Variants in PUM3 observed in about 807,000 individuals in gnomAD.
PUM3 encodes pumilio homolog 3.
PUM3 carries 91 observed loss-of-function variants against 84.0 expected under a neutral mutation model. The ratio of observed to expected loss-of-function variants is 1.08; its 90% CI spans 0.91 to 1.29. The LOEUF is 1.29. Among genes scored for constraint, PUM3 ranks in the 50% most tolerant of loss-of-function variants. The probability of loss-of-function intolerance (pLI) is 0.00; values close to 1 mark genes in which losing one functional copy is unlikely to be tolerated. For synonymous variants in PUM3, 321 were observed against 266.7 expected, an observed-to-expected ratio of 1.20 and a Z score of -1.98; for missense variants, 1,067 against 767.5, an observed-to-expected ratio of 1.39 and a Z score of -4.61.
rs1815921569 is a variant in PUM3, at chr9:2,829,777, G to A, written c.849C>T (p.Tyr283=). ...EELYGNTFQL[Y]KSADHRTLDK... is the part of the protein sequence containing the mutation. ...AAAAGACTTCTGGAGATGTCACCTT[G>A]TAAAGCTGAAATGTGTTCCCATAGA... Residue 283 remains tyrosine (Y), a synonymous_variant, in exon 8 of 18, where the codon TAC becomes TAT. Transcript: ENST00000397885. 2 of 1,607,488 alleles carry A rather than the reference G, an allele frequency of 1.2e-6. No individual in the cohort carries two copies. Among genetic ancestry groups the A allele is most frequent in the East Asian group, 2.2e-5 (1 of 44,740 alleles).
chr9:2,834,782 A>C (rs1459741243), intron 3 of PUM3, among the ~76,000 whole-genome samples: 1 of 152,214 alleles, frequency 6.6e-6, no homozygotes, highest in African/African-American at 2.4e-5. Flanking sequence ...ACAATGAACA[A>C]CCAAAATTTC....
intron 14 of PUM3, among the ~76,000 whole-genome samples, 165 bp downstream of exon 14, chr9:2,812,055 C>T (rs1821386299): frequency 6.6e-6 from 1 of 152,036 alleles, no homozygotes; most frequent in African/African-American, 2.4e-5. Flanking sequence ...ATTTCCTTGT[C>T]AAGATAAAAA....
chr9:2,825,707 A>G (rs550724802), intron 10 of PUM3, among the ~76,000 whole-genome samples: 120 of 151,978 alleles, frequency 7.9e-4, no homozygotes, highest in Non-Finnish European at 1.4e-3. Flanking sequence ...GTCTCGAACT[A>G]CTGACCTTGT....
Position 2,838,457 on chromosome 9 carries a change from T to C in PUM3, c.51A>G (p.Ala17=). The part of the protein sequence containing the change: ...KQFTGKSTKT[A]QEKNRFHKNS... Reference sequence around the variant, plus strand: ...TTTTATGAAATCTGTTTTTTTCTTGTGCTGTCTTTGTACTCTTTCCTGTGA... The same window carrying C: ...TTTTATGAAATCTGTTTTTTTCTTGCGCTGTCTTTGTACTCTTTCCTGTGA... Residue 17 remains alanine (A), a synonymous_variant, in exon 2 of 18, where the codon GCA becomes GCG. Coordinates refer to ENST00000397885, the MANE Select transcript of PUM3 (RefSeq NM_014878.5). 6.2e-7 allele frequency: 1 copy of C among 1,613,462 alleles called. No homozygotes were observed. The highest frequency in any genetic ancestry group is 1.3e-5 in the African/African-American group (1 of 75,036).
chr9:2,826,297 A>G (rs1420413283), intron 10 of PUM3, among the ~76,000 whole-genome samples: 2 of 152,188 alleles, frequency 1.3e-5, no homozygotes, highest in Non-Finnish European at 2.9e-5. Flanking sequence ...CCTGCCTCAG[A>G]ACCGTGGGAT....
chr9:2,807,972 C>G (rs763659951), intron 16 of PUM3, 68 bp from the exon 17 acceptor site: 21 of 980,230 alleles, frequency 2.1e-5, no homozygotes, highest in Non-Finnish European at 3.3e-5. Flanking sequence ...CCCTTCTCTA[C>G]TGCCCTTAAA....
At chr9:2,840,353 C>G (rs571364806) in intron 1 of PUM3, among the ~76,000 whole-genome samples, 1 of 152,136 alleles carries the variant, frequency 6.6e-6, no homozygotes, top group African/African-American at 2.4e-5. Context: ...ACTAAAGAAT[C>G]CAGGCATACG....
chr9:2,810,883 C>T (rs1054335856), intron 15 of PUM3, among the ~76,000 whole-genome samples: 1 of 152,210 alleles, frequency 6.6e-6, no homozygotes. Context: ...ATCAAGAAAG[C>T]ATCTTTTCAG....
At chr9:2,820,276 A>G (rs774580954) in intron 12 of PUM3, among the ~76,000 whole-genome samples, 178 bp from the exon 13 acceptor site, 1 of 152,228 alleles carries the variant, frequency 6.6e-6, no homozygotes, top group Non-Finnish European at 1.5e-5. Context: ...AGCCATTTTA[A>G]TGAACTTCCT....
At chr9:2,825,346 A>C (rs1398988151) in intron 10 of PUM3, among the ~76,000 whole-genome samples, 1 of 152,196 alleles carries the variant, frequency 6.6e-6, no homozygotes, top group Non-Finnish European at 1.5e-5. Flanking sequence ...CCTCATGAAA[A>C]ATTTCTATAC....
chr9:2,818,908 G>C (rs1301146574), intron 13 of PUM3, among the ~76,000 whole-genome samples: 1 of 152,168 alleles, frequency 6.6e-6, no homozygotes, highest in Non-Finnish European at 1.5e-5. Context: ...GATCCCAGGA[G>C]GCTACAAAGA....
intron 5 of PUM3, among the ~76,000 whole-genome samples, chr9:2,832,229 T>A (rs771207451): frequency 6.6e-6 from 1 of 152,172 alleles, no homozygotes; most frequent in Non-Finnish European, 1.5e-5. Context: ...ACCTATTATA[T>A]AATCAACATA....
chr9:2,825,589 TCTC>T (rs1253184104), intron 10 of PUM3, among the ~76,000 whole-genome samples: 1 of 151,998 alleles, frequency 6.6e-6, no homozygotes, highest in African/African-American at 2.4e-5. Flanking sequence ...TTCAAGCAAT[TCTC>T]CTGCCTCAGC....
At chr9:2,842,355 T>C (rs1004100527) in intron 1 of PUM3, among the ~76,000 whole-genome samples, 1 of 152,156 alleles carries the variant, frequency 6.6e-6, no homozygotes, top group Non-Finnish European at 1.5e-5. Flanking sequence ...CATGCTCCAA[T>C]AGCTTCAAAG....
At chr9:2,833,995 AAAGGGACT>A (rs1816053598) in intron 4 of PUM3, 28 bp downstream of exon 4, 1 of 1,604,438 alleles carries the variant, frequency 6.2e-7, no homozygotes. Context: ...CCACTGTTGC[AAAGGGACT>A]AACAAAGGCA....
At chr9:2,827,308 AAAACTT>A (rs1263806913) in intron 9 of PUM3, among the ~76,000 whole-genome samples, 157 bp from the exon 10 acceptor site, 1 of 152,244 alleles carries the variant, frequency 6.6e-6, no homozygotes, top group Non-Finnish European at 1.5e-5. Flanking sequence ...CAGAAATACT[AAAACTT>A]AAACAAAAAT....
At chr9:2,808,408 C>T (rs1821303193) in intron 16 of PUM3, among the ~76,000 whole-genome samples, 1 of 152,186 alleles carries the variant, frequency 6.6e-6, no homozygotes. Context: ...CTTTACAACG[C>T]TTACATACTC....
At position 2,829,818 on chromosome 9, in the gene PUM3, T is replaced by A. The variant is rs370007578; in HGVS notation, c.808A>T (p.Met270Leu). 11 of 1,614,050 alleles carry A rather than the reference T, an allele frequency of 6.8e-6. No individual in the cohort carries two copies. The Admixed American group carries it at 1.5e-4, about 22-fold the overall frequency. ...TTCCCATAGAGCTCTTCCGTCAGCA[T>A]GTTCCTCTGCTCCAAAATGGCTTTG... ...NDKAILEQRN[M>L]LTEELYGNTF... The change falls in exon 8 of 18, where the codon ATG becomes TTG. Residue 270 changes from methionine (M) to leucine (L), a missense_variant. Met to Leu is a conservative substitution (Grantham distance 15, BLOSUM62 2). Coordinates refer to ENST00000397885, the MANE Select transcript of PUM3 (RefSeq NM_014878.5).
At chr9:2,812,017 T>C (rs1821385819) in intron 14 of PUM3, among the ~76,000 whole-genome samples, 1 of 152,160 alleles carries the variant, frequency 6.6e-6, no homozygotes, top group African/African-American at 2.4e-5. Flanking sequence ...TGCCAGGTGC[T>C]CAGGTGTTCT....
Sources: gnomAD v4.1 joint callset for allele counts (sites outside exome capture counted in the v4.1 genomes callset) on GRCh38, gnomAD v4.1.1 for gene constraint, MANE v1.5 for transcripts, NCBI Gene and HGNC (gene_info 2026-07-23, HGNC 2026-07-21) for gene names.